SYNDIG1: variants seen among roughly 807,000 people sequenced by gnomAD.
SYNDIG1 encodes the protein synapse differentiation-inducing gene protein 1.
A neutral mutation model predicts 19.4 loss-of-function variants in SYNDIG1; 9 were observed. The ratio of observed to expected loss-of-function variants is 0.46; its 90% CI spans 0.28 to 0.81. The LOEUF (loss-of-function observed/expected upper bound fraction) is 0.81, where lower values mean the gene tolerates loss of function less well. Among genes scored for constraint, SYNDIG1 ranks in the 30% least tolerant of loss-of-function variants. SYNDIG1 has a pLI of 0.12. For missense variants in SYNDIG1, 311 were observed against 343.3 expected (o/e 0.91, Z 0.74); for synonymous variants, 141 against 145.9 (o/e 0.97, Z 0.24).
intron 2 of SYNDIG1, among the ~76,000 whole-genome samples, chr20:24,557,123 C>T (rs917509559): frequency 6.6e-6 from 1 of 152,198 alleles, no homozygotes. Flanking sequence ...CTGCATTCTT[C>T]ATGTAGTTCT....
rs534435845 is a variant in SYNDIG1 at position 24,658,460 on chromosome 20, C to T, written c.619-6886C>T. On this transcript the variant is annotated intron_variant, in intron 3 of 3. Coordinates refer to ENST00000376862, the MANE Select transcript of SYNDIG1 (RefSeq NM_024893.3). The surrounding 1 kb of genome is among the most constrained non-coding windows in gnomAD (Gnocchi z 4.4). Reference sequence around the variant, plus strand: ...GCCGTGGACCCCTGAAGTGGACAGGCGCTCTGGCCGTACCCTGGGGGGTGA... The same window carrying T: ...GCCGTGGACCCCTGAAGTGGACAGGTGCTCTGGCCGTACCCTGGGGGGTGA... Among the ~76,000 whole-genome samples the T allele has an allele frequency of 2.7e-3, 415 of 152,174 alleles. No homozygotes were observed. The highest frequency in any genetic ancestry group is 9.4e-3 in the African/African-American group (391 of 41,526).
At chr20:24,491,438 C>T (rs2056145093) in intron 1 of SYNDIG1, 1 of 152,272 alleles carries the variant, frequency 6.6e-6, no homozygotes, top group Non-Finnish European at 1.5e-5. Flanking sequence ...GCCTCAGATG[C>T]TATTGCCTTG....
chr20:24,489,386 C>G (rs1405043083), intron 1 of SYNDIG1, among the ~76,000 whole-genome samples: 1 of 149,980 alleles, frequency 6.7e-6, no homozygotes, highest in Admixed American at 6.6e-5. Context: ...CATGTGGACA[C>G]AGATACAGAC....
At chr20:24,527,882 A>G (rs1229170439) in intron 1 of SYNDIG1, among the ~76,000 whole-genome samples, 1 of 152,186 alleles carries the variant, frequency 6.6e-6, no homozygotes, top group Non-Finnish European at 1.5e-5. Context: ...CCTTCAGGTG[A>G]TTCAAATGCA....
chr20:24,522,690 G>A (rs899221910), intron 1 of SYNDIG1, among the ~76,000 whole-genome samples: 3 of 152,146 alleles, frequency 2.0e-5, no homozygotes, highest in African/African-American at 7.2e-5. Flanking sequence ...GGGAATACCA[G>A]AGACTGGGGC....
At chr20:24,648,752 G>A (rs950492416) in intron 3 of SYNDIG1, among the ~76,000 whole-genome samples, 3 of 152,234 alleles carry the variant, frequency 2.0e-5, no homozygotes, top group African/African-American at 7.2e-5. Context: ...CAAGCCAAGT[G>A]CAGCAACACA....
intron 3 of SYNDIG1, among the ~76,000 whole-genome samples, chr20:24,661,902 G>A (rs1217880841): frequency 6.6e-6 from 1 of 152,136 alleles, no homozygotes; most frequent in African/African-American, 2.4e-5. Context: ...CAGGGTGGGG[G>A]GTTCCACCAG....
chr20:24,488,956 A>T (rs2056053069), intron 1 of SYNDIG1, among the ~76,000 whole-genome samples: 1 of 152,066 alleles, frequency 6.6e-6, no homozygotes, highest in African/African-American at 2.4e-5. Flanking sequence ...TCTATGTGAA[A>T]AGCCTCTTCC....
At chr20:24,654,685 G>GAAGGAAGGAAGA (rs1355873694) in intron 3 of SYNDIG1, among the ~76,000 whole-genome samples, 1 of 150,470 alleles carries the variant, frequency 6.6e-6, no homozygotes, top group African/African-American at 2.4e-5. Flanking sequence ...AGGAAGGAAG[G>GAAGGAAGGAAGA]AAGGAAGGAA....
Position 24,665,552 on chromosome 20 carries a change from C to T in SYNDIG1, c.*48C>T, listed in dbSNP as rs528555207. 20 of 1,608,628 alleles carry T rather than the reference C, an allele frequency of 1.2e-5. No homozygotes were observed. The highest frequency in any genetic ancestry group is 8.9e-5 in the East Asian group (4 of 44,876). On this transcript the variant is annotated 3_prime_UTR_variant, in exon 4 of 4. Transcript: ENST00000376862. ...GCACCCGGGGCCAGGTCTGTGTGGA[C>T]GTGGAGGAAGCAGGCATACCGCATG...
intron 3 of SYNDIG1, among the ~76,000 whole-genome samples, chr20:24,595,817 A>G (rs2058586182): frequency 6.6e-6 from 1 of 151,888 alleles, no homozygotes; most frequent in African/African-American, 2.4e-5. Context: ...TTTTTAATTT[A>G]TGATTGTGTT....
intron 2 of SYNDIG1, among the ~76,000 whole-genome samples, chr20:24,564,800 A>G (rs1312564777): frequency 6.6e-6 from 1 of 152,148 alleles, no homozygotes; most frequent in East Asian, 1.9e-4. Flanking sequence ...ATCTGTATTG[A>G]AGAATGTGTT....
chr20:24,511,531 T>A (rs1007506011), intron 1 of SYNDIG1, among the ~76,000 whole-genome samples: 1 of 152,156 alleles, frequency 6.6e-6, no homozygotes, highest in Non-Finnish European at 1.5e-5. Context: ...TTTGGGGGTC[T>A]GATTTCCACT....
At chr20:24,512,859 A>C (rs916460642) in intron 1 of SYNDIG1, among the ~76,000 whole-genome samples, 7 of 152,302 alleles carry the variant, frequency 4.6e-5, no homozygotes, top group Admixed American at 2.0e-4. Flanking sequence ...CGAGTAGCCT[A>C]ACTGGGAGGC....
At chr20:24,575,740 A>T (rs1267082285) in intron 2 of SYNDIG1, among the ~76,000 whole-genome samples, 2 of 152,208 alleles carry the variant, frequency 1.3e-5, no homozygotes, top group South Asian at 2.1e-4. Context: ...ATTGGACTAG[A>T]TACTACTAGG....
chr20:24,628,631 G>T (rs1218897342), intron 3 of SYNDIG1, among the ~76,000 whole-genome samples: 1 of 152,144 alleles, frequency 6.6e-6, no homozygotes, highest in Non-Finnish European at 1.5e-5. Context: ...TGCATTTTCT[G>T]CTCCCCACCC....
At chr20:24,495,473 C>CA (rs1411006571) in intron 1 of SYNDIG1, 1 of 152,306 alleles carries the variant, frequency 6.6e-6, no homozygotes, top group African/African-American at 2.4e-5. Flanking sequence ...CTCTGTCATG[C>CA]AATGGCAGCG....
chr20:24,478,810 A>G (rs1255634336), intron 1 of SYNDIG1, among the ~76,000 whole-genome samples: 1 of 152,204 alleles, frequency 6.6e-6, no homozygotes, highest in East Asian at 1.9e-4. Context: ...GTCAGGGAGA[A>G]CAGAAGCCTC....
At chr20:24,478,410 A>G (rs563734787) in intron 1 of SYNDIG1, among the ~76,000 whole-genome samples, 1 of 152,282 alleles carries the variant, frequency 6.6e-6, no homozygotes, top group East Asian at 1.9e-4. Flanking sequence ...GAATGAAGAG[A>G]CCCAGAGGGC....
Sources: allele counts gnomAD v4.1 joint callset (sites outside exome capture counted in the v4.1 genomes callset), GRCh38; gene constraint gnomAD v4.1.1; non-coding constraint Gnocchi (gnomAD v3.1); transcripts MANE v1.5; gene names NCBI Gene and HGNC (gene_info 2026-07-23, HGNC 2026-07-21).